Variants in GSKIP observed in about 807,000 individuals in gnomAD.
GSKIP encodes the protein GSK3B-interacting protein.
GSKIP carries 5 observed loss-of-function variants against 11.9 expected under a neutral mutation model. That is an observed-to-expected ratio of 0.42 (90% confidence interval 0.22 to 0.89). The LOEUF is 0.89. GSKIP is among the 40% of genes least tolerant of loss of function. The probability of loss-of-function intolerance (pLI) is 0.29; values close to 1 mark genes in which losing one functional copy is unlikely to be tolerated. For synonymous variants in GSKIP, 70 were observed against 62.9 expected (o/e 1.11, Z -0.54); for missense variants, 150 against 166.6 (o/e 0.90, Z 0.55).
At position 96,385,816 on chromosome 14, in the gene GSKIP, T is replaced by C. The variant is rs1041906950; in HGVS notation, c.*132T>C. ...TATCACTTGCTTCCAACTTAGGCTT[T>C]TGGCTCAGAAGATTATTGAATAATG... On this transcript the variant is annotated 3_prime_UTR_variant, in exon 4 of 4. Transcript: ENST00000555181. The C allele has an allele frequency of 4.2e-5, 28 of 663,360 alleles. No homozygotes were observed. Among genetic ancestry groups the C allele is most frequent in the Non-Finnish European group, 6.5e-5 (26 of 402,532 alleles). The allele number at this position is 663,360 out of a possible 1,614,324, so 41.1% of individuals were successfully genotyped here. A position where few individuals can be genotyped will look rare whatever the true frequency, so the allele number is the denominator to read the frequency against.
chr14:96,366,798 T>C (rs1888897834), intron 1 of GSKIP, among the ~76,000 whole-genome samples: 2 of 152,218 alleles, frequency 1.3e-5, no homozygotes, highest in South Asian at 2.1e-4. Context: ...TTAAGAATTA[T>C]GTAAAAGTTT....
chr14:96,378,153 C>G (rs1889251393), intron 1 of GSKIP, among the ~76,000 whole-genome samples: 1 of 152,036 alleles, frequency 6.6e-6, no homozygotes, highest in Non-Finnish European at 1.5e-5. Context: ...CCCAGGAGTT[C>G]AAGACTAGCC....
At chr14:96,374,249 G>GA (rs943553545) in intron 1 of GSKIP, among the ~76,000 whole-genome samples, 1 of 151,874 alleles carries the variant, frequency 6.6e-6, no homozygotes, top group Non-Finnish European at 1.5e-5. Context: ...ATGAAACAGT[G>GA]AAAAAAATAA....
chr14:96,383,835 CAG>C (rs2139945164), intron 3 of GSKIP, among the ~76,000 whole-genome samples: 1 of 152,220 alleles, frequency 6.6e-6, no homozygotes, highest in African/African-American at 2.4e-5. Flanking sequence ...ACTAAAAGCT[CAG>C]AGTATTTAGA....
intron 1 of GSKIP, among the ~76,000 whole-genome samples, chr14:96,368,855 G>T (rs909046151): frequency 6.6e-6 from 1 of 152,184 alleles, no homozygotes; most frequent in Non-Finnish European, 1.5e-5. Context: ...TGAGAGTGGG[G>T]TGTTGATATA....
At chr14:96,380,340 G>T (rs1889312184) in intron 2 of GSKIP, 1 of 152,178 alleles carries the variant, frequency 6.6e-6, no homozygotes, top group Admixed American at 6.5e-5. Flanking sequence ...ATTGCATTCA[G>T]CAAGTAGTTC....
chr14:96,373,882 G>A (rs375111104), intron 1 of GSKIP, among the ~76,000 whole-genome samples: 11 of 152,104 alleles, frequency 7.2e-5, no homozygotes, highest in East Asian at 1.9e-4. Context: ...CTCACCATGC[G>A]TCTAACCAAA....
intron 3 of GSKIP, among the ~76,000 whole-genome samples, chr14:96,382,881 C>A (rs185239236): frequency 1.1e-4 from 16 of 152,238 alleles, no homozygotes; most frequent in Non-Finnish European, 1.3e-4. Context: ...GAAAATGTCG[C>A]TTCTGTTAAA....
chr14:96,375,828 C>T (rs371284977), intron 1 of GSKIP, among the ~76,000 whole-genome samples: 2 of 152,004 alleles, frequency 1.3e-5, no homozygotes, highest in East Asian at 1.9e-4. Flanking sequence ...TCTGCAGAGT[C>T]CTGAGGTGGC....
intron 1 of GSKIP, among the ~76,000 whole-genome samples, chr14:96,371,554 C>T (rs1182219007): frequency 6.6e-6 from 1 of 151,658 alleles, no homozygotes; most frequent in Non-Finnish European, 1.5e-5. Flanking sequence ...AAGAGATTCT[C>T]CCGCCTCAGC....
chr14:96,374,873 A>G (rs1034566311), intron 1 of GSKIP, among the ~76,000 whole-genome samples: 13 of 152,254 alleles, frequency 8.5e-5, no homozygotes, highest in African/African-American at 2.9e-4. Flanking sequence ...ATACATGTAG[A>G]TATAGATCAG....
At chr14:96,376,734 C>T (rs1357674870) in intron 1 of GSKIP, among the ~76,000 whole-genome samples, 2 of 152,116 alleles carry the variant, frequency 1.3e-5, no homozygotes, top group Non-Finnish European at 2.9e-5. Context: ...GCAAATATTT[C>T]ATGTGCCTGT....
rs1487932440 is a variant in GSKIP, at chr14:96,386,729, T to C, written c.*1045T>C. The C allele has an allele frequency of 1.3e-5, 2 of 152,614 alleles. No homozygotes were observed. Among genetic ancestry groups the C allele is most frequent in the South Asian group, 2.1e-4 (1 of 4,832 alleles). 9.5% of individuals were successfully genotyped at this position (152,614 alleles called of 1,614,324 possible). A position where few individuals can be genotyped will look rare whatever the true frequency, so the allele number is the denominator to read the frequency against. ...GAATGAAGCATTCAGAGACTTAATA[T>C]TTGAAAAAGGAATAGTCAGTATTTT... On this transcript the variant is annotated 3_prime_UTR_variant, in exon 4 of 4. Transcript: ENST00000555181.
intron 1 of GSKIP, among the ~76,000 whole-genome samples, chr14:96,367,278 C>G (rs541634837): frequency 1.2e-4 from 19 of 152,190 alleles, no homozygotes; most frequent in African/African-American, 4.6e-4. Flanking sequence ...ATTAAAACAT[C>G]TTTTTCCAAG....
chr14:96,370,441 A>G (rs1164526322), intron 1 of GSKIP, among the ~76,000 whole-genome samples: 2 of 151,934 alleles, frequency 1.3e-5, no homozygotes, highest in Admixed American at 1.3e-4. Flanking sequence ...TATGATCCCC[A>G]CTATTGGAGA....
At chr14:96,382,862 A>G (rs997737089) in intron 3 of GSKIP, among the ~76,000 whole-genome samples, 2 of 152,156 alleles carry the variant, frequency 1.3e-5, no homozygotes, top group East Asian at 1.9e-4. Context: ...AAGATTTTCA[A>G]CACCTCTTGA....
chr14:96,384,018 G>A (rs1317077820), intron 3 of GSKIP, among the ~76,000 whole-genome samples: 2 of 152,200 alleles, frequency 1.3e-5, no homozygotes, highest in African/African-American at 4.8e-5. Flanking sequence ...CTACCCCTGA[G>A]AGAGTTTCTG....
chr14:96,377,753 G>T (rs377511041), intron 1 of GSKIP, among the ~76,000 whole-genome samples: 11 of 152,092 alleles, frequency 7.2e-5, no homozygotes, highest in African/African-American at 2.7e-4. Context: ...CATGGTTTTT[G>T]GCTCTTTTCA....
At chr14:96,373,058 C>T (rs750747438) in intron 1 of GSKIP, among the ~76,000 whole-genome samples, 48 of 151,776 alleles carry the variant, frequency 3.2e-4, no homozygotes, top group Non-Finnish European at 5.9e-4. Flanking sequence ...GATGAAACCC[C>T]GTCTATACTA....
Sources: gnomAD v4.1 joint callset for allele counts (sites outside exome capture counted in the v4.1 genomes callset) on GRCh38, gnomAD v4.1.1 for gene constraint, MANE v1.5 for transcripts, NCBI Gene and HGNC (gene_info 2026-07-23, HGNC 2026-07-21) for gene names.